Variants in MTMR12 observed in about 807,000 individuals in gnomAD.
MTMR12 encodes myotubularin-related protein 12.
MTMR12 carries 33 observed loss-of-function variants against 96.7 expected under a neutral mutation model. The ratio of observed to expected loss-of-function variants is 0.34; its 90% confidence interval spans 0.26 to 0.46. MTMR12 has a LOEUF of 0.46. Among genes scored for constraint, MTMR12 ranks in the 20% least tolerant of loss-of-function variants. The probability of loss-of-function intolerance (pLI) is 1.00; values close to 1 mark genes in which losing one functional copy is unlikely to be tolerated. For synonymous variants in MTMR12, 298 were observed against 327.2 expected (o/e 0.91, Z 0.96); for missense variants, 721 against 896.1 (o/e 0.80, Z 2.49).
In MTMR12 at chr5:32,312,676, C is replaced by T; in HGVS notation, c.81+82G>A. ...AGGGCAGGAAGCGCTCCGCGGCGCT[C>T]CCCGCTGCAAGGAAGGGGCTCCCGG... On this transcript the variant is annotated intron_variant, in intron 1 of 15. Coordinates refer to ENST00000382142, the MANE Select transcript of MTMR12 (RefSeq NM_001040446.3). This position sits in a 1 kb window ranked among gnomAD's most constrained non-coding sequence, Gnocchi z 5.0. The T allele has an allele frequency of 8.1e-7, 1 of 1,228,376 alleles. No homozygotes were observed. Among genetic ancestry groups the T allele is most frequent in the Non-Finnish European group, 1.0e-6 (1 of 962,656 alleles). The allele number at this position is 1,228,376 out of a possible 1,614,324, so 76.1% of individuals were successfully genotyped here.
At chr5:32,272,177 G>C (rs1749863294) in intron 3 of MTMR12, among the ~76,000 whole-genome samples, 1 of 151,964 alleles carries the variant, frequency 6.6e-6, no homozygotes, top group Non-Finnish European at 1.5e-5. Context: ...TGTAGTCCCA[G>C]CTACTCGGGA....
chr5:32,249,916 T>C (rs1748851775), intron 8 of MTMR12, among the ~76,000 whole-genome samples: 1 of 152,082 alleles, frequency 6.6e-6, no homozygotes, highest in African/African-American at 2.4e-5. Flanking sequence ...TGCTTGAGAG[T>C]GGCTAAGGTC....
chr5:32,276,771 CTT>C (rs1279411863), intron 1 of MTMR12, 29 bp from the exon 2 acceptor site: 1 of 1,563,484 alleles, frequency 6.4e-7, no homozygotes, highest in East Asian at 2.4e-5. Flanking sequence ...GGATATTTTT[CTT>C]TGTTTAAGGG....
At chr5:32,304,345 A>G (rs1581650439) in intron 1 of MTMR12, among the ~76,000 whole-genome samples, 1 of 152,024 alleles carries the variant, frequency 6.6e-6, no homozygotes, top group East Asian at 1.9e-4. Flanking sequence ...AAGAAAAGAA[A>G]TGCAACCATA....
At chr5:32,271,004 T>C in intron 4 of MTMR12, 57 bp from the exon 5 acceptor site, 1 of 1,535,476 alleles carries the variant, frequency 6.5e-7, no homozygotes, top group Non-Finnish European at 8.8e-7. Flanking sequence ...AATAAGTGAA[T>C]GCTAAAGAAA....
chr5:32,252,683 C>G (rs947800432), intron 8 of MTMR12, among the ~76,000 whole-genome samples: 4 of 152,168 alleles, frequency 2.6e-5, no homozygotes, highest in Non-Finnish European at 5.9e-5. Flanking sequence ...CTTTTAAATA[C>G]TAATTCATTT....
At position 32,312,889 on chromosome 5, in the gene MTMR12, G is replaced by A. The variant is rs765910382; in HGVS notation, c.-51C>T. The A allele has an allele frequency of 1.3e-6, 2 of 1,482,068 alleles. No homozygotes were observed. The highest frequency in any genetic ancestry group is 2.3e-5 in the Admixed American group (1 of 44,064). 91.8% of individuals were successfully genotyped at this position (1,482,068 alleles called of 1,614,324 possible). ...CGCGGACGCAGAGGCGGCGGCTCGG[G>A]CTCCAGCTGGGGCAGCAGCGGCGGC... is the stretch of plus-strand genomic sequence containing the variant. On this transcript the variant is annotated 5_prime_UTR_variant, in exon 1 of 16. Coordinates refer to ENST00000382142, the MANE Select transcript of MTMR12 (RefSeq NM_001040446.3). This position sits in a 1 kb window ranked among gnomAD's most constrained non-coding sequence, Gnocchi z 5.0.
At chr5:32,294,970 G>C (rs1167146052) in intron 1 of MTMR12, among the ~76,000 whole-genome samples, 1 of 152,218 alleles carries the variant, frequency 6.6e-6, no homozygotes, top group East Asian at 1.9e-4. Context: ...CTCACTAATA[G>C]AGTAGGGGCA....
chr5:32,291,830 A>G lies in MTMR12; in HGVS notation c.82-15088T>C, dbSNP rs923971289. ...TATGGCACCATTCCTCAGGGCGATC[A>G]GCCAGCTACCTGGTGGCTGGTTGAT... On this transcript the variant is annotated intron_variant, in intron 1 of 15. Coordinates refer to ENST00000382142, the MANE Select transcript of MTMR12 (RefSeq NM_001040446.3). 2.6e-4 allele frequency among the ~76,000 whole-genome samples: 40 copies of G among 152,178 alleles called. 1 individual carries two copies. Among genetic ancestry groups the G allele is most frequent in the African/African-American group, 9.7e-4 (40 of 41,434 alleles).
At position 32,242,093 on chromosome 5, in the gene MTMR12, A is replaced by G. The variant is rs1748497450; in HGVS notation, c.1135T>C (p.Cys379Arg). The change falls in exon 12 of 16, where the codon TGT becomes CGT. Residue 379 changes from cysteine to arginine, a missense_variant. Transcript: ENST00000382142. ...ACATTCATGTTTTGTGCTTCCATAC[A>G]TTCTGTAATCTCTATTGCTTTTTTC... ...CLKKAIEITE[C>R]MEAQNMNVLL... 1.9e-6 allele frequency: 3 copies of G among 1,613,000 alleles called. No homozygotes were observed. Among genetic ancestry groups the G allele is most frequent in the African/African-American group, 2.7e-5 (2 of 74,896 alleles).
At chr5:32,300,052 T>G (rs1196159663) in intron 1 of MTMR12, among the ~76,000 whole-genome samples, 1 of 152,168 alleles carries the variant, frequency 6.6e-6, no homozygotes, top group Non-Finnish European at 1.5e-5. Context: ...CTCCGACCTC[T>G]GTGCAGAGAA....
rs113481642 is a variant in MTMR12, at chr5:32,233,109, T to C, written c.1674+664A>G. 1.6e-3 allele frequency: 1,250 copies of C among 798,198 alleles called. 18 individuals are homozygous for C. The African/African-American group carries it at 0.022, about 14-fold the overall frequency. 49.4% of individuals were successfully genotyped at this position (798,198 alleles called of 1,614,324 possible). ...TTTCTGACATTTGTGGCTCATAGCA[T>C]AGGTCAGCAAACTGGCCACCCCTCC... On this transcript the variant is annotated intron_variant, in intron 15 of 15. Coordinates refer to ENST00000382142, the MANE Select transcript of MTMR12 (RefSeq NM_001040446.3). This position sits in a 1 kb window ranked among gnomAD's most constrained non-coding sequence, Gnocchi z 5.0.
At chr5:32,291,255 A>C (rs549975879) in intron 1 of MTMR12, among the ~76,000 whole-genome samples, 1 of 152,300 alleles carries the variant, frequency 6.6e-6, no homozygotes, top group African/African-American at 2.4e-5. Context: ...AGCACTACAG[A>C]TCCTTTCTAG....
At chr5:32,246,790 T>G (rs991463029) in intron 10 of MTMR12, among the ~76,000 whole-genome samples, 5 of 152,220 alleles carry the variant, frequency 3.3e-5, no homozygotes, top group Non-Finnish European at 5.9e-5. Context: ...TTGTTTTTGC[T>G]TCAATTTCAG....
chr5:32,230,576 T>G (rs1747957464), intron 15 of MTMR12, among the ~76,000 whole-genome samples: 1 of 152,192 alleles, frequency 6.6e-6, no homozygotes, highest in African/African-American at 2.4e-5. Context: ...CAGGTGCACG[T>G]GGCAGCTGTG....
chr5:32,306,425 A>G lies in MTMR12; in HGVS notation c.81+6333T>C, dbSNP rs1477090907. Among the ~76,000 whole-genome samples the G allele has an allele frequency of 2.0e-5, 3 of 152,332 alleles. No homozygotes were observed. The Middle Eastern group carries it at 0.01, about 518-fold the overall frequency. ...TTTCATTTTGTATATACCCACAGTC[A>G]TATCTCTGGGAAGACTACAGGATCA... On this transcript the variant is annotated intron_variant, in intron 1 of 15. Transcript: ENST00000382142.
intron 1 of MTMR12, among the ~76,000 whole-genome samples, chr5:32,298,891 T>C (rs1310730582): frequency 6.8e-6 from 1 of 147,702 alleles, no homozygotes; most frequent in Non-Finnish European, 1.5e-5. Context: ...AGGCGGAGCT[T>C]GCAGTGAGCC....
In MTMR12 at chr5:32,274,094, T is replaced by C. The variant is rs139174012; in HGVS notation, c.171A>G (p.Thr57=). Residue 57 remains threonine (T), a synonymous_variant, in exon 3 of 16, where the codon ACA becomes ACG. Transcript: ENST00000382142. ...PGEQLLCEAS[T]VLKYVQEDSC... ...AATCTTCCTGGACATACTTCAGTAC[T>C]GTGCTGGCTTCACAAAGCAGCTGTT... 1.6e-4 allele frequency: 256 copies of C among 1,614,224 alleles called. 1 individual carries two copies. In the African/African-American group the frequency reaches 2.9e-3, roughly 19 times the overall value.
At chr5:32,288,266 A>G (rs1023631416) in intron 1 of MTMR12, among the ~76,000 whole-genome samples, 2 of 152,096 alleles carry the variant, frequency 1.3e-5, no homozygotes, top group Non-Finnish European at 2.9e-5. Context: ...TTTTTTTGCC[A>G]GAAGGAACAG....
Sources: allele counts gnomAD v4.1 joint callset (sites outside exome capture counted in the v4.1 genomes callset), GRCh38; gene constraint gnomAD v4.1.1; non-coding constraint Gnocchi (gnomAD v3.1); transcripts MANE v1.5; gene names NCBI Gene and HGNC (gene_info 2026-07-23, HGNC 2026-07-21).